The following ATXN8OS variants were observed in gnomAD, a reference collection of about 807,000 sequenced individuals.
The protein encoded by ATXN8OS is ATXN8 opposite strand lncRNA.
intron 4 of ATXN8OS, among the ~76,000 whole-genome samples, chr13:70,152,426 T>C (rs957351071): frequency 7.2e-5 from 11 of 152,036 alleles, no homozygotes; most frequent in African/African-American, 2.7e-4. Flanking sequence ...TATATACACA[T>C]ATGTACATAT....
At chr13:70,153,548 C>G (rs1469604031) in intron 4 of ATXN8OS, among the ~76,000 whole-genome samples, 1 of 151,884 alleles carries the variant, frequency 6.6e-6, no homozygotes, top group Non-Finnish European at 1.5e-5. Flanking sequence ...GCACTCCAGC[C>G]CGGGCAACAG....
At chr13:70,138,095 C>T (rs1268011659) in intron 3 of ATXN8OS, among the ~76,000 whole-genome samples, 1 of 152,212 alleles carries the variant, frequency 6.6e-6, no homozygotes, top group African/African-American at 2.4e-5. Context: ...CCAAATCCCT[C>T]CTCCAACATT....
upstream of ATXN8OS, chr13:70,107,460 G>A (rs1364926438): frequency 3.7e-6 from 6 of 1,614,120 alleles, no homozygotes; most frequent in Admixed American, 5.0e-5. Flanking sequence ...AGGACGGGGA[G>A]GACGATGAAG....
intron 3 of ATXN8OS, among the ~76,000 whole-genome samples, chr13:70,133,244 A>C (rs1888560270): frequency 6.6e-6 from 1 of 152,104 alleles, no homozygotes; most frequent in Non-Finnish European, 1.5e-5. Flanking sequence ...TGTGTCTACA[A>C]AAAGTAAAAA....
chr13:70,139,018 T>C (rs538791775), intron 3 of ATXN8OS, among the ~76,000 whole-genome samples: 1 of 152,284 alleles, frequency 6.6e-6, no homozygotes, highest in South Asian at 2.1e-4. Flanking sequence ...GCAGTATGAA[T>C]TGCATATATA....
intron 2 of ATXN8OS, among the ~76,000 whole-genome samples, chr13:70,128,079 G>A (rs1888470424): frequency 6.6e-6 from 1 of 151,984 alleles, no homozygotes. Flanking sequence ...GGATAGGTTA[G>A]TATGAAAAAC....
upstream of ATXN8OS, chr13:70,107,598 C>A: frequency 3.1e-6 from 5 of 1,596,920 alleles, no homozygotes; most frequent in Non-Finnish European, 4.3e-6. Context: ...GGCAGCCTCC[C>A]CCCGCCGGGC....
At chr13:70,147,151 T>A (rs1336769640) in intron 3 of ATXN8OS, among the ~76,000 whole-genome samples, 1 of 152,102 alleles carries the variant, frequency 6.6e-6, no homozygotes, top group African/African-American at 2.4e-5. Context: ...CTGAAGACAA[T>A]GAATTATATA....
At chr13:70,154,172 T>C (rs1207479992) in intron 4 of ATXN8OS, among the ~76,000 whole-genome samples, 1 of 152,182 alleles carries the variant, frequency 6.6e-6, no homozygotes, top group Admixed American at 6.6e-5. Context: ...TTAAAAATAA[T>C]GCTCTAAATT....
intron 1 of ATXN8OS, among the ~76,000 whole-genome samples, chr13:70,112,924 T>A (rs71429631): frequency 0.13 from 17,040 of 130,048 alleles, 1,600 homozygotes; most frequent in East Asian, 0.14. Context: ...TATATAATTT[T>A]TTTTTTTTTT....
At chr13:70,133,391 G>A (rs1218788340) in intron 3 of ATXN8OS, among the ~76,000 whole-genome samples, 1 of 152,028 alleles carries the variant, frequency 6.6e-6, no homozygotes, top group Non-Finnish European at 1.5e-5. Flanking sequence ...CTTAAACAGT[G>A]AAACAGTGAA....
At chr13:70,117,305 T>C (rs1405555110) in intron 2 of ATXN8OS, among the ~76,000 whole-genome samples, 1 of 152,030 alleles carries the variant, frequency 6.6e-6, no homozygotes, top group East Asian at 1.9e-4. Flanking sequence ...TGGTAATCAG[T>C]TAACTATATA....
intron 1 of ATXN8OS, among the ~76,000 whole-genome samples, chr13:70,109,187 G>T (rs1283478514): frequency 1.3e-5 from 2 of 152,226 alleles, no homozygotes; most frequent in Non-Finnish European, 2.9e-5. Context: ...GCAAATAGGC[G>T]TTTGGAGAAG....
At chr13:70,140,547 CGGA>C (rs1389250821) in intron 3 of ATXN8OS, among the ~76,000 whole-genome samples, 1 of 84,368 alleles carries the variant, frequency 1.2e-5, no homozygotes, top group African/African-American at 4.0e-5. Flanking sequence ...AAAAAAAAAA[CGGA>C]GAAGAAATGT....
At chr13:70,112,669 T>A (rs180973979) in intron 1 of ATXN8OS, among the ~76,000 whole-genome samples, 85 of 152,178 alleles carry the variant, frequency 5.6e-4, no homozygotes, top group African/African-American at 2.0e-3. Flanking sequence ...TTGATTTAGA[T>A]CTGGCAATAC....
intron 2 of ATXN8OS, among the ~76,000 whole-genome samples, chr13:70,125,504 A>G (rs1029219848): frequency 2.0e-5 from 3 of 152,162 alleles, no homozygotes; most frequent in Non-Finnish European, 4.4e-5. Flanking sequence ...TCCCTATCTG[A>G]TATTTCTCCA....
intron 4 of ATXN8OS, among the ~76,000 whole-genome samples, chr13:70,154,597 G>A (rs1888913941): frequency 6.6e-6 from 1 of 152,152 alleles, no homozygotes; most frequent in African/African-American, 2.4e-5. Context: ...CCTGTATTAG[G>A]CTGACTTGTC....
intron 4 of ATXN8OS, among the ~76,000 whole-genome samples, chr13:70,164,045 AGTTTTT>A (rs1425639970): frequency 5.3e-5 from 6 of 112,540 alleles, no homozygotes; most frequent in African/African-American, 2.1e-4. Flanking sequence ...GTAAGCTGGA[AGTTTTT>A]ATTCTTATTA....
intron 2 of ATXN8OS, among the ~76,000 whole-genome samples, chr13:70,124,137 T>C (rs1188282583): frequency 3.3e-5 from 5 of 152,168 alleles, no homozygotes; most frequent in African/African-American, 9.6e-5. Context: ...CAGTCCTGTA[T>C]TATTTTTTGC....
Sources: allele counts gnomAD v4.1 joint callset (sites outside exome capture counted in the v4.1 genomes callset), GRCh38; gene constraint gnomAD v4.1.1; transcripts MANE v1.5; gene names NCBI Gene and HGNC (gene_info 2026-07-23, HGNC 2026-07-21).